The following C1orf185 variants were observed in gnomAD, a reference collection of about 807,000 sequenced individuals.
C1orf185 encodes the protein chromosome 1 open reading frame 185.
A neutral mutation model predicts 16.1 loss-of-function variants in C1orf185; 13 were observed. The ratio of observed to expected loss-of-function variants is 0.81; its 90% confidence interval spans 0.53 to 1.28. C1orf185 has a LOEUF of 1.28. C1orf185 is among the 50% of genes most tolerant of loss of function. C1orf185 has a pLI of 0.00. For synonymous variants in C1orf185, 80 were observed against 76.9 expected (o/e 1.04, Z -0.21); for missense variants, 220 against 225.2 (o/e 0.98, Z 0.15).
intron 1 of C1orf185, among the ~76,000 whole-genome samples, chr1:51,110,743 T>C (rs1156470959): frequency 6.6e-6 from 1 of 151,894 alleles, no homozygotes; most frequent in Non-Finnish European, 1.5e-5. Context: ...CTGAGGTGGG[T>C]GAATCACTTG....
At chr1:51,129,894 T>C (rs1488033789) in intron 3 of C1orf185, among the ~76,000 whole-genome samples, 2 of 152,158 alleles carry the variant, frequency 1.3e-5, no homozygotes, top group Non-Finnish European at 2.9e-5. Context: ...CACCTCCTAA[T>C]ATCATCACAT....
At chr1:51,137,848 A>G (rs1016098629) in intron 3 of C1orf185, among the ~76,000 whole-genome samples, 1 of 152,272 alleles carries the variant, frequency 6.6e-6, no homozygotes, top group Non-Finnish European at 1.5e-5. Context: ...TGGTACATAT[A>G]CATTATGGAA....
intron 1 of C1orf185, among the ~76,000 whole-genome samples, chr1:51,108,298 T>G (rs1033495521): frequency 2.6e-5 from 4 of 152,070 alleles, no homozygotes; most frequent in South Asian, 2.1e-4. Context: ...AAATTTTTGG[T>G]TTTTTTTAAT....
At chr1:51,113,572 C>A (rs1241560198) in intron 2 of C1orf185, among the ~76,000 whole-genome samples, 1 of 152,028 alleles carries the variant, frequency 6.6e-6, no homozygotes, top group Non-Finnish European at 1.5e-5. Flanking sequence ...GTAGTCCCAG[C>A]TGCTCGGGAG....
chr1:51,119,328 C>G (rs1311108738), intron 3 of C1orf185, among the ~76,000 whole-genome samples: 1 of 152,082 alleles, frequency 6.6e-6, no homozygotes, highest in Non-Finnish European at 1.5e-5. Flanking sequence ...AGCGTCAACA[C>G]AATGCTAAAT....
At chr1:51,112,620 A>G (rs1215031289) in intron 2 of C1orf185, 51 bp downstream of exon 2, 2 of 1,418,018 alleles carry the variant, frequency 1.4e-6, no homozygotes, top group Non-Finnish European at 1.9e-6. Context: ...TAAAAATTCA[A>G]TAAAGGACTT....
intron 3 of C1orf185, among the ~76,000 whole-genome samples, chr1:51,120,439 G>T (rs1646189896): frequency 6.6e-6 from 1 of 152,076 alleles, no homozygotes; most frequent in African/African-American, 2.4e-5. Flanking sequence ...AGTTGTTGTG[G>T]GATTAAAGGA....
At chr1:51,146,160 A>G (rs1386996352) in intron 4 of C1orf185, among the ~76,000 whole-genome samples, 1 of 152,140 alleles carries the variant, frequency 6.6e-6, no homozygotes, top group Non-Finnish European at 1.5e-5. Flanking sequence ...TAGAAAATAC[A>G]AAAGTTAATA....
intron 2 of C1orf185, among the ~76,000 whole-genome samples, chr1:51,117,132 C>T (rs1646163766): frequency 6.6e-6 from 1 of 152,180 alleles, no homozygotes; most frequent in African/African-American, 2.4e-5. Flanking sequence ...CCTCCTACCA[C>T]TATATATACA....
chr1:51,141,873 C>T (rs1358743552), intron 3 of C1orf185, among the ~76,000 whole-genome samples: 2 of 151,796 alleles, frequency 1.3e-5, no homozygotes, highest in East Asian at 3.9e-4. Context: ...GCTCTGTTGC[C>T]CAGGCTGGAG....
chr1:51,118,560 T>G, intron 2 of C1orf185, 106 bp from the exon 3 acceptor site: 1 of 701,140 alleles, frequency 1.4e-6, no homozygotes, highest in Non-Finnish European at 2.1e-6. Flanking sequence ...CTATAATGTA[T>G]TTATTCTGAT....
At chr1:51,116,246 T>A (rs144088331) in intron 2 of C1orf185, among the ~76,000 whole-genome samples, 15 of 151,890 alleles carry the variant, frequency 9.9e-5, no homozygotes, top group African/African-American at 3.6e-4. Flanking sequence ...AGTATCGTAC[T>A]CATTTAATCT....
chr1:51,139,384 A>G (rs758995965), intron 3 of C1orf185, among the ~76,000 whole-genome samples: 5 of 152,152 alleles, frequency 3.3e-5, no homozygotes, highest in Non-Finnish European at 7.4e-5. Context: ...AATTACAGAC[A>G]TGAGTTACTG....
intron 3 of C1orf185, among the ~76,000 whole-genome samples, chr1:51,139,052 A>AT (rs1553163899): frequency 7.9e-5 from 12 of 151,420 alleles, no homozygotes; most frequent in Non-Finnish European, 1.3e-4. Flanking sequence ...CATTTTTTAC[A>AT]TGTCTGTAAA....
At chr1:51,129,253 T>C (rs1227455781) in intron 3 of C1orf185, among the ~76,000 whole-genome samples, 3 of 152,076 alleles carry the variant, frequency 2.0e-5, no homozygotes, top group African/African-American at 7.2e-5. Context: ...TGATCCTCCC[T>C]CCTTGGCCTC....
At chr1:51,130,063 A>G (rs981470139) in intron 3 of C1orf185, among the ~76,000 whole-genome samples, 7 of 152,188 alleles carry the variant, frequency 4.6e-5, no homozygotes, top group Non-Finnish European at 8.8e-5. Flanking sequence ...TAAATCACAG[A>G]GTTTAATCAT....
intron 3 of C1orf185, among the ~76,000 whole-genome samples, chr1:51,133,883 A>G (rs1451701762): frequency 6.6e-6 from 1 of 152,226 alleles, no homozygotes; most frequent in East Asian, 1.9e-4. Flanking sequence ...ACAGTTTGAG[A>G]CCAGCCTGGC....
intron 3 of C1orf185, among the ~76,000 whole-genome samples, chr1:51,131,809 G>T (rs1310645997): frequency 6.6e-6 from 1 of 152,134 alleles, no homozygotes; most frequent in Non-Finnish European, 1.5e-5. Context: ...ACATAGAAAT[G>T]ATCCCACTGC....
At chr1:51,112,438 T>C (rs1456747131) in intron 1 of C1orf185, 26 bp from the exon 2 acceptor site, 1 of 1,488,596 alleles carries the variant, frequency 6.7e-7, no homozygotes, top group Non-Finnish European at 9.1e-7. Context: ...ATGCATGAAA[T>C]AATCTTTTGT....
Sources: allele counts gnomAD v4.1 joint callset (sites outside exome capture counted in the v4.1 genomes callset), GRCh38; gene constraint gnomAD v4.1.1; transcripts MANE v1.5; gene names NCBI Gene and HGNC (gene_info 2026-07-23, HGNC 2026-07-21).